The following RGS12 variants were observed in gnomAD, a reference collection of about 807,000 sequenced individuals.
RGS12 encodes the protein regulator of G-protein signaling 12.
In RGS12, 66 loss-of-function variants were observed where a neutral mutation model predicts 120.1. The observed-to-expected ratio is 0.55, with a 90% CI of 0.45 to 0.67. The LOEUF (loss-of-function observed/expected upper bound fraction) is 0.67. Ranked by LOEUF, RGS12 falls within the 30% of genes least tolerant of loss-of-function variation. The pLI is 0.00. For missense variants in RGS12, 1,859 were observed against 1,957.7 expected, an observed-to-expected ratio of 0.95 and a Z score of 0.95; for synonymous variants, 827 against 804.7, an observed-to-expected ratio of 1.03 and a Z score of -0.47.
chr4:3,308,152 G>C (rs1473321106), intron 1 of RGS12, among the ~76,000 whole-genome samples: 1 of 152,244 alleles, frequency 6.6e-6, no homozygotes, highest in Non-Finnish European at 1.5e-5. Flanking sequence ...TAGGGCCCTG[G>C]CCCTGAGCTG....
At chr4:3,347,607 C>T (rs1349581243) in intron 3 of RGS12, among the ~76,000 whole-genome samples, 1 of 152,178 alleles carries the variant, frequency 6.6e-6, no homozygotes, top group Non-Finnish European at 1.5e-5. Flanking sequence ...TTCACAAATT[C>T]ATCTGTTTCC....
chr4:3,420,438 G>T (rs558857114), intron 9 of RGS12: 2 of 630,340 alleles, frequency 3.2e-6, no homozygotes. Context: ...GTAGAGCCTT[G>T]TTGGTCCCTG....
intron 4 of RGS12, among the ~76,000 whole-genome samples, chr4:3,410,416 C>G (rs576419154): frequency 2.6e-5 from 4 of 152,224 alleles, no homozygotes; most frequent in Non-Finnish European, 5.9e-5. Context: ...GGAATGTACA[C>G]AGAACAGGAT....
upstream of RGS12, among the ~76,000 whole-genome samples, chr4:3,290,654 A>T (rs527385617): frequency 2.4e-4 from 36 of 152,326 alleles, no homozygotes; most frequent in African/African-American, 8.4e-4. Context: ...AGCTGTGGGT[A>T]GGGCCGCTGA....
intron 3 of RGS12, among the ~76,000 whole-genome samples, chr4:3,376,272 A>ACACC (rs1300351328): frequency 6.6e-6 from 1 of 151,764 alleles, no homozygotes; most frequent in African/African-American, 2.4e-5. Flanking sequence ...ACACACACAC[A>ACACC]CACACACACA....
chr4:3,383,601 C>CAA lies in RGS12; in HGVS notation c.1999-2805_1999-2804dup, dbSNP rs112353778. Among the ~76,000 whole-genome samples the CAA allele has an allele frequency of 1.4e-4, 20 of 145,148 alleles. No individual in the cohort carries two copies. In the East Asian group the frequency reaches 2.6e-3, roughly 19 times the overall value. ...TATCCTGGTGACAGAGCGAGACTGT[C>CAA]AAAAAAAAAAAGTATGTGTATCTCT... On this transcript the variant is annotated intron_variant, in intron 3 of 17. Coordinates refer to ENST00000336727, the MANE Select transcript of RGS12 (RefSeq NM_001394154.1).
intron 1 of RGS12, among the ~76,000 whole-genome samples, chr4:3,309,059 C>T (rs1487176673): frequency 6.8e-6 from 1 of 146,498 alleles, no homozygotes; most frequent in African/African-American, 2.6e-5. Flanking sequence ...GAGAGCTGAG[C>T]AGGAGAGGAG....
At chr4:3,369,977 C>A in intron 3 of RGS12, 2 of 1,191,108 alleles carry the variant, frequency 1.7e-6, no homozygotes, top group South Asian at 3.7e-5. Flanking sequence ...TGAGAAATTA[C>A]CCCTGTCGGC....
chr4:3,373,635 C>T (rs1315365325), intron 3 of RGS12, among the ~76,000 whole-genome samples: 2 of 152,238 alleles, frequency 1.3e-5, no homozygotes, highest in Non-Finnish European at 2.9e-5. Context: ...GCTGGGATCG[C>T]AGGGCGTGCA....
At position 3,295,553 on chromosome 4, in the gene RGS12, G is replaced by A. The variant is rs191970356; in HGVS notation, c.-102+2454G>A. Among the ~76,000 whole-genome samples, 1,198 of 151,792 alleles carry A rather than the reference G, an allele frequency of 7.9e-3. 7 individuals carry two copies. Among genetic ancestry groups the A allele is most frequent in the Non-Finnish European group, 0.012 (782 of 67,912 alleles). On this transcript the variant is annotated intron_variant, in intron 1 of 17. Transcript: ENST00000336727. ...CAGACGCCTGTAATCCCAGCTACTCGGGAGGCTGAGACACAAGATTCGCTT... is the reference window on the plus strand; with the variant it reads ...CAGACGCCTGTAATCCCAGCTACTCAGGAGGCTGAGACACAAGATTCGCTT...
intron 2 of RGS12, among the ~76,000 whole-genome samples, chr4:3,322,667 A>C (rs1212205858): frequency 2.0e-5 from 3 of 152,244 alleles, no homozygotes; most frequent in Non-Finnish European, 2.9e-5. Context: ...TGGATTTTGG[A>C]AATTTTAAAA....
At chr4:3,432,595 A>T (rs1330355520) in intron 17 of RGS12, among the ~76,000 whole-genome samples, 1 of 152,222 alleles carries the variant, frequency 6.6e-6, no homozygotes, top group African/African-American at 2.4e-5. Flanking sequence ...ATTAGCACAG[A>T]GGTGGTTTAC....
upstream of RGS12, among the ~76,000 whole-genome samples, chr4:3,288,148 C>T (rs1339245253): frequency 6.6e-6 from 1 of 152,230 alleles, no homozygotes; most frequent in African/African-American, 2.4e-5. The surrounding 1 kb of genome is among the most constrained non-coding windows in gnomAD (Gnocchi z 5.2). Flanking sequence ...AGATAAACTA[C>T]TGCCGCATGG....
At chr4:3,287,506 C>G in the RGS12 span, among the ~76,000 whole-genome samples, 3 of 152,254 alleles carry the variant, frequency 2.0e-5, no homozygotes, top group Non-Finnish European at 4.4e-5. Context: ...GTGGCCAAGC[C>G]CTTCCTGATT....
intron 16 of RGS12, among the ~76,000 whole-genome samples, chr4:3,429,921 C>G (rs1328722734): frequency 6.6e-6 from 1 of 152,198 alleles, no homozygotes; most frequent in Non-Finnish European, 1.5e-5. Context: ...GTCTCAGGGC[C>G]TTCCTCTACC....
At chr4:3,419,540 T>C (rs892345894) in intron 9 of RGS12, 1 of 151,872 alleles carries the variant, frequency 6.6e-6, no homozygotes, top group African/African-American at 2.4e-5. Context: ...CAGTGGCGCC[T>C]GGTGGCTCAT....
chr4:3,362,741 G>T (rs1237214098), intron 3 of RGS12, among the ~76,000 whole-genome samples: 1 of 130,920 alleles, frequency 7.6e-6, no homozygotes, highest in African/African-American at 3.1e-5. Context: ...GGATGTCTGT[G>T]TGAGGGTGTG....
intron 3 of RGS12, among the ~76,000 whole-genome samples, chr4:3,369,297 G>A (rs745572181): frequency 3.9e-5 from 6 of 152,232 alleles, no homozygotes; most frequent in Non-Finnish European, 7.3e-5. Context: ...TTTCTGAAAC[G>A]AAGTGTGTGT....
chr4:3,287,634 G>A, the RGS12 span, among the ~76,000 whole-genome samples: 1 of 152,232 alleles, frequency 6.6e-6, no homozygotes, highest in Non-Finnish European at 1.5e-5. Flanking sequence ...ATTTTATTTG[G>A]TGACAACGTC....
Sources: gnomAD v4.1 joint callset for allele counts (sites outside exome capture counted in the v4.1 genomes callset) on GRCh38, gnomAD v4.1.1 for gene constraint, Gnocchi (gnomAD v3.1) non-coding constraint, MANE v1.5 for transcripts, NCBI Gene and HGNC (gene_info 2026-07-23, HGNC 2026-07-21) for gene names.